The following ZNF710 variants were observed in gnomAD, a reference collection of about 807,000 sequenced individuals.
ZNF710 encodes the protein zinc finger protein 710.
Under a neutral mutation model 50.6 loss-of-function variants are expected in ZNF710, and 13 were observed. That is an observed-to-expected ratio of 0.26 (90% CI 0.17 to 0.41). The LOEUF is 0.41. Among genes scored for constraint, ZNF710 ranks in the 10% least tolerant of loss-of-function variants. ZNF710 has a pLI of 1.00. For missense variants in ZNF710, 721 were observed against 936.6 expected (o/e 0.77, Z 3.01); for synonymous variants, 383 against 397.0 (o/e 0.96, Z 0.42).
intron 1 of ZNF710, among the ~76,000 whole-genome samples, chr15:90,011,902 A>G (rs1898314650): frequency 6.6e-6 from 1 of 152,064 alleles, no homozygotes; most frequent in Non-Finnish European, 1.5e-5. Flanking sequence ...TCAGGCTTTC[A>G]TTGTTGATAT....
intron 1 of ZNF710, among the ~76,000 whole-genome samples, chr15:90,038,740 T>TGAGA (rs111461630): frequency 1.3e-5 from 2 of 148,528 alleles, no homozygotes; most frequent in African/African-American, 5.2e-5. Context: ...TGTGTGTGTG[T>TGAGA]GAGACATTGG....
intron 1 of ZNF710, among the ~76,000 whole-genome samples, chr15:90,030,329 CAAAA>C (rs10685083): frequency 1.1e-3 from 55 of 50,504 alleles, no homozygotes; most frequent in Non-Finnish European, 1.5e-3. Context: ...AACTCCATCT[CAAAA>C]AAAAAAAAAA....
intron 1 of ZNF710, among the ~76,000 whole-genome samples, chr15:90,037,159 T>C (rs78715018): frequency 0.02 from 3,112 of 152,226 alleles, 112 homozygotes; most frequent in African/African-American, 0.07. Context: ...ACACTGGAGT[T>C]ATTCGAAGGG....
chr15:90,073,713 G>A (rs1567245722), intron 3 of ZNF710, among the ~76,000 whole-genome samples: 1 of 152,124 alleles, frequency 6.6e-6, no homozygotes, highest in Non-Finnish European at 1.5e-5. Flanking sequence ...TCTGGGCCAG[G>A]CATGGTGGTG....
At chr15:90,037,437 C>A (rs1417311253) in intron 1 of ZNF710, among the ~76,000 whole-genome samples, 1 of 152,152 alleles carries the variant, frequency 6.6e-6, no homozygotes, top group East Asian at 1.9e-4. Flanking sequence ...TCAGTCAGCC[C>A]CAGGCCCCTG....
intron 2 of ZNF710, among the ~76,000 whole-genome samples, chr15:90,069,984 C>T (rs1217482656): frequency 2.0e-5 from 3 of 152,218 alleles, no homozygotes; most frequent in African/African-American, 7.2e-5. Flanking sequence ...ACCAACTTTA[C>T]CCTTCAAAGC....
chr15:90,067,426 C>A lies in ZNF710; in HGVS notation c.289C>A (p.Arg97=), dbSNP rs765120913. 2 of 1,603,662 alleles carry A rather than the reference C, an allele frequency of 1.2e-6. No homozygotes were observed. Among genetic ancestry groups the A allele is most frequent in the Admixed American group, 1.7e-5 (1 of 58,176 alleles). Residue 97 remains arginine, a synonymous_variant, in exon 2 of 5, where the codon CGG becomes AGG. Coordinates refer to ENST00000268154, the MANE Select transcript of ZNF710 (RefSeq NM_198526.4). The surrounding 1 kb of genome is among the most constrained non-coding windows in gnomAD (Gnocchi z 8.1). ...GGCAGCCTGTGAGAAGCACACCCGG[C>A]GGAAGACGCGGCCACCTGTGCGGTT... ...VEAACEKHTR[R]KTRPPVRLVP...
At chr15:90,035,450 G>A (rs1011977979) in intron 1 of ZNF710, among the ~76,000 whole-genome samples, 1 of 152,218 alleles carries the variant, frequency 6.6e-6, no homozygotes, top group African/African-American at 2.4e-5. Flanking sequence ...AGGACTCCCA[G>A]GGCTAGGAGG....
At chr15:90,041,100 C>G (rs1264409866) in intron 1 of ZNF710, among the ~76,000 whole-genome samples, 1 of 152,116 alleles carries the variant, frequency 6.6e-6, no homozygotes, top group East Asian at 1.9e-4. Context: ...AGGAAAACAT[C>G]TATTGGATGT....
At chr15:90,045,340 C>T (rs946402234) in intron 1 of ZNF710, 14 of 985,270 alleles carry the variant, frequency 1.4e-5, no homozygotes, top group Admixed American at 6.1e-5. Flanking sequence ...CTGGAAATGG[C>T]GGATGGCTTC....
Position 90,059,631 on chromosome 15 carries a change from C to T in ZNF710, c.-28-7479C>T, listed in dbSNP as rs887129331. On this transcript the variant is annotated intron_variant, in intron 1 of 4. Transcript: ENST00000268154. This position sits in a 1 kb window ranked among gnomAD's most constrained non-coding sequence, Gnocchi z 4.1. ...GAAGAGACTCTCGAACTTCCCCTGC[C>T]CCTCCCCCGTGCCGGCGGCAGCTCC... Among the ~76,000 whole-genome samples, 4 of 151,956 alleles carry T rather than the reference C, an allele frequency of 2.6e-5. No homozygotes were observed. Among genetic ancestry groups the T allele is most frequent in the South Asian group, 2.1e-4 (1 of 4,824 alleles).
At chr15:90,043,407 C>T (rs971563279) in intron 1 of ZNF710, among the ~76,000 whole-genome samples, 6 of 152,258 alleles carry the variant, frequency 3.9e-5, no homozygotes, top group Non-Finnish European at 5.9e-5. Flanking sequence ...AGCCAGGCGG[C>T]CAGGGCAGGG....
intron 1 of ZNF710, among the ~76,000 whole-genome samples, chr15:90,039,438 T>C (rs937834484): frequency 2.0e-5 from 3 of 152,200 alleles, no homozygotes; most frequent in Non-Finnish European, 4.4e-5. Context: ...CCCTGCCTTG[T>C]GACCCACTGT....
chr15:90,015,913 A>G (rs1433312265), intron 1 of ZNF710, among the ~76,000 whole-genome samples: 2 of 152,144 alleles, frequency 1.3e-5, no homozygotes, highest in Non-Finnish European at 2.9e-5. Context: ...CCAATGCCAT[A>G]CGATGCAATT....
chr15:90,079,550 G>A (rs1200629752), intron 4 of ZNF710, 110 bp from the exon 5 acceptor site: 2 of 1,361,008 alleles, frequency 1.5e-6, no homozygotes, highest in African/African-American at 1.5e-5. Flanking sequence ...ACTCCTGGAG[G>A]CCGTGACTGG....
chr15:90,005,694 C>T (rs570489576), intron 1 of ZNF710, among the ~76,000 whole-genome samples: 15 of 152,260 alleles, frequency 9.9e-5, no homozygotes, highest in African/African-American at 2.6e-4. Context: ...GTGATCTGCC[C>T]GCCTCGGCCT....
At chr15:90,030,801 G>A (rs1898918159) in intron 1 of ZNF710, among the ~76,000 whole-genome samples, 1 of 152,048 alleles carries the variant, frequency 6.6e-6, no homozygotes, top group Non-Finnish European at 1.5e-5. Flanking sequence ...CAGATCATGA[G>A]GTCAGGAGAT....
chr15:90,001,683 C>CGGGGGCGCG (rs1349405089), intron 1 of ZNF710, 69 bp downstream of exon 1: 11 of 142,784 alleles, frequency 7.7e-5, no homozygotes, highest in Admixed American at 4.8e-4. Context: ...TGCCGGCCGG[C>CGGGGGCGCG]GGGGGCGCGG....
In ZNF710 at chr15:90,068,058, G is replaced by A. The variant is rs1462251272; in HGVS notation, c.921G>A (p.Lys307=). ...CRMCEKSYTS[K]YNLVTHILGH... is the part of the protein sequence containing the mutation. ...TGTGCGAGAAGTCCTACACGTCCAA[G>A]TACAACCTGGTGACGCACATCCTGG... Residue 307 remains lysine, a synonymous_variant, in exon 2 of 5, where the codon AAG becomes AAA. Coordinates refer to ENST00000268154, the MANE Select transcript of ZNF710 (RefSeq NM_198526.4). This position sits in a 1 kb window ranked among gnomAD's most constrained non-coding sequence, Gnocchi z 5.0. 4.3e-6 allele frequency: 7 copies of A among 1,614,238 alleles called. No homozygotes were observed. The highest frequency in any genetic ancestry group is 1.7e-5 in the Admixed American group (1 of 60,030).
Sources: allele counts gnomAD v4.1 joint callset (sites outside exome capture counted in the v4.1 genomes callset), GRCh38; gene constraint gnomAD v4.1.1; non-coding constraint Gnocchi (gnomAD v3.1); transcripts MANE v1.5; gene names NCBI Gene and HGNC (gene_info 2026-07-23, HGNC 2026-07-21).